Variants in ABCA8 observed in about 807,000 individuals in gnomAD.
The protein encoded by ABCA8 is ATP binding cassette subfamily A member 8, also known as ABC-type organic anion transporter ABCA8.
Under a neutral mutation model 192.3 loss-of-function variants are expected in ABCA8, and 177 were observed. The ratio of observed to expected loss-of-function variants is 0.92; its 90% CI spans 0.81 to 1.04. ABCA8 has a LOEUF of 1.04. Among genes scored for constraint, ABCA8 ranks in the 50% least tolerant of loss-of-function variants. The pLI, the probability that ABCA8 is intolerant of heterozygous loss-of-function variation, is 0.00. For synonymous variants in ABCA8, 642 were observed against 690.2 expected (o/e 0.93, Z 1.09); for missense variants, 1,915 against 1,904.8 (o/e 1.01, Z -0.10).
chr17:68,931,671 A>G (rs1465203184), intron 7 of ABCA8: 1 of 151,694 alleles, frequency 6.6e-6, no homozygotes, highest in Admixed American at 6.6e-5. Context: ...AAATAGATTT[A>G]GATAAAATTG....
rs761530746 is a variant in ABCA8 at position 68,919,487 on chromosome 17, G to A, written c.1613-11C>T. ...AGATGGTGACTGAACCTGTAACAAA[G>A]GAAAAGTTAATATCAAGATAAGGCT... On this transcript the variant is annotated splice_polypyrimidine_tract_variant and intron_variant, in intron 13 of 39. Transcript: ENST00000586539. 6.2e-6 allele frequency: 10 copies of A among 1,604,862 alleles called. No individual in the cohort carries two copies. The highest frequency in any genetic ancestry group is 1.7e-5 in the Admixed American group (1 of 58,958).
chr17:68,895,236 G>A (rs4147998), intron 21 of ABCA8, among the ~76,000 whole-genome samples: 63,959 of 151,878 alleles, frequency 0.42, 14,065 homozygotes, highest in East Asian at 0.56. Context: ...TTAGTTCCAA[G>A]TGTCTTTCAA....
chr17:68,884,531 T>A, intron 27 of ABCA8, 135 bp from the exon 28 acceptor site: 1 of 1,354,802 alleles, frequency 7.4e-7, no homozygotes, highest in Non-Finnish European at 9.5e-7. Context: ...TTCTAAAGTG[T>A]ATAGCAAGGG....
intron 31 of ABCA8, 38 bp downstream of exon 31, chr17:68,881,825 G>A: frequency 1.3e-6 from 2 of 1,481,686 alleles, no homozygotes; most frequent in Non-Finnish European, 1.9e-6. Flanking sequence ...CCTCTGAGGA[G>A]GGCTCTGAGC....
chr17:68,938,081 G>T (rs910145389), intron 4 of ABCA8, among the ~76,000 whole-genome samples: 2 of 152,130 alleles, frequency 1.3e-5, no homozygotes, highest in East Asian at 3.9e-4. Flanking sequence ...GAGCAGACAC[G>T]TCTCAGGGCC....
chr17:68,929,587 G>A lies in ABCA8; in HGVS notation c.913C>T (p.Leu305Phe), dbSNP rs1292138428. The change falls in exon 8 of 40, where the codon CTC (leucine) becomes TTC (phenylalanine). Residue 305 changes from leucine to phenylalanine, a missense_variant. Leu to Phe is a conservative substitution (Grantham distance 22). Coordinates refer to ENST00000586539, the MANE Select transcript of ABCA8 (RefSeq NM_001288985.2). ...AAAGATAATCCATACAGGAGAAAGA[G>A]GCTGAAGACTACCATGAAGCCAGAC... ...ILSGFMVVFSLFLLYGLSLVA... is the reference protein window; with the variant it reads ...ILSGFMVVFSFFLLYGLSLVA... 6.2e-7 allele frequency: 1 copy of A among 1,613,646 alleles called. No homozygotes were observed. Among genetic ancestry groups the A allele is most frequent in the Non-Finnish European group, 8.5e-7 (1 of 1,179,772 alleles).
Position 68,875,624 on chromosome 17 carries a change from C to T in ABCA8, c.4480G>A (p.Gly1494Arg). The T allele has an allele frequency of 1.2e-6, 2 of 1,614,116 alleles. No individual in the cohort carries two copies. The highest frequency in any genetic ancestry group is 1.7e-6 in the Non-Finnish European group (2 of 1,180,000). ...AGGACAGGCACTCACCTCAACCTCC[C>T]AGATACCATGATGGCCACTCGGTCA... ...VCDRVAIMVS[G>R]RLRCIGSIQH... The change falls in exon 36 of 40, where the codon GGG (glycine) becomes AGG (arginine). Residue 1494 changes from glycine to arginine, a missense_variant. Transcript: ENST00000586539.
intron 37 of ABCA8, among the ~76,000 whole-genome samples, chr17:68,871,342 C>T (rs1029335034): frequency 6.6e-6 from 1 of 152,072 alleles, no homozygotes; most frequent in Non-Finnish European, 1.5e-5. Context: ...ACCTAATAAT[C>T]TCTTAAAGGT....
intron 18 of ABCA8, 69 bp downstream of exon 18, chr17:68,907,671 A>G: frequency 7.5e-7 from 1 of 1,342,266 alleles, no homozygotes; most frequent in South Asian, 1.8e-5. Flanking sequence ...TGTTAGTTGT[A>G]ATGATAATAA....
rs146827613 is a variant in ABCA8 at position 68,953,820 on chromosome 17, A to C, written c.-167+1399T>G. Among the ~76,000 whole-genome samples the C allele has an allele frequency of 9.9e-3, 1,513 of 152,178 alleles. 14 individuals carry two copies. Among genetic ancestry groups the C allele is most frequent in the Middle Eastern group, 0.051 (15 of 292 alleles). On this transcript the variant is annotated intron_variant, in intron 1 of 39. Transcript: ENST00000586539. ...GAAACTGTGATGTGCTACTACTCCT[A>C]CCGGGGGTAGAGGGTAGTCTGCTGC...
intron 17 of ABCA8, among the ~76,000 whole-genome samples, chr17:68,915,816 T>C (rs1022296442): frequency 8.5e-5 from 13 of 152,142 alleles, no homozygotes; most frequent in African/African-American, 2.9e-4. Context: ...CAAGGAAATA[T>C]CTGCACTCTC....
chr17:68,887,881 C>CATATATATATATATAT lies in ABCA8; in HGVS notation c.3145-391_3145-376dup, dbSNP rs1202636158. Among the ~76,000 whole-genome samples the CATATATATATATATAT allele has an allele frequency of 7.2e-3, 489 of 68,094 alleles. 3 individuals are homozygous for CATATATATATATATAT. Among genetic ancestry groups the CATATATATATATATAT allele is most frequent in the African/African-American group, 0.022 (295 of 13,706 alleles). 44.7% of individuals were successfully genotyped at this position (68,094 alleles called of 152,430 possible). ...ATTCCTCTCTCTCTTTTCTCTCCTC[C>CATATATATATATATAT]ATATATATATATATATATATATATA... is the stretch of plus-strand genomic sequence containing the variant. On this transcript the variant is annotated intron_variant, in intron 24 of 39. Coordinates refer to ENST00000586539, the MANE Select transcript of ABCA8 (RefSeq NM_001288985.2).
Position 68,929,638 on chromosome 17 carries a change from T to C in ABCA8, c.862A>G (p.Ile288Val), listed in dbSNP as rs1286530452. 2 of 1,613,544 alleles carry C rather than the reference T, an allele frequency of 1.2e-6. No homozygotes were observed. Among genetic ancestry groups the C allele is most frequent in the Admixed American group, 1.7e-5 (1 of 59,988 alleles). ...AAAATGATAAACTGGGTAGATCTTA[T>C]AACAAGTGCCAAGAAAAGGGCCATA... The part of the protein sequence containing the change: ...FIMALFLALV[I>V]RSTQFIILSG... The change falls in exon 8 of 40, where the codon ATA becomes GTA. Residue 288 changes from isoleucine (I) to valine (V), a missense_variant. Coordinates refer to ENST00000586539, the MANE Select transcript of ABCA8 (RefSeq NM_001288985.2).
intron 13 of ABCA8, chr17:68,920,100 G>C (rs1324064250): frequency 6.6e-6 from 1 of 152,100 alleles, no homozygotes; most frequent in African/African-American, 2.4e-5. Context: ...ATCTTTTGTG[G>C]GAACATGGGT....
rs1378708340 is a variant in ABCA8 at position 68,929,626 on chromosome 17, G to A, written c.874C>T (p.Gln292Ter). 6.2e-7 allele frequency: 1 copy of A among 1,613,584 alleles called. No homozygotes were observed. The highest frequency in any genetic ancestry group is 8.5e-7 in the Non-Finnish European group (1 of 1,179,638). Residue 292 changes from glutamine to a stop codon, truncating the protein, a stop_gained, in exon 8 of 40, where the codon CAG (glutamine) becomes TAG (stop). Coordinates refer to ENST00000586539, the MANE Select transcript of ABCA8 (RefSeq NM_001288985.2). LOFTEE classifies it high-confidence loss of function. ...LFLALVIRST[Q>*]FIILSGFMVV... ...ATGAAGCCAGACAAAATGATAAACT[G>A]GGTAGATCTTATAACAAGTGCCAAG...
chr17:68,884,605 TA>T, intron 27 of ABCA8: 15 of 1,249,404 alleles, frequency 1.2e-5, no homozygotes, highest in Non-Finnish European at 1.5e-5. Flanking sequence ...TATCAATTAC[TA>T]ATCACCTGGC....
chr17:68,917,535 A>T, intron 16 of ABCA8, 84 bp from the exon 17 acceptor site: 1 of 939,376 alleles, frequency 1.1e-6, no homozygotes, highest in South Asian at 1.6e-5. Context: ...TCATCTATAT[A>T]ATCAAACTTT....
rs1424823305 is a variant in ABCA8, at chr17:68,876,540, C to G, written c.4290G>C (p.Leu1430=). 1 of 1,614,150 alleles carries G rather than the reference C, an allele frequency of 6.2e-7. No individual in the cohort carries two copies. Among genetic ancestry groups the G allele is most frequent in the South Asian group, 1.1e-5 (1 of 91,084 alleles). The change falls in exon 35 of 40, where the codon CTG becomes CTC. Residue 1430 remains leucine (L), a synonymous_variant. Coordinates refer to ENST00000586539, the MANE Select transcript of ABCA8 (RefSeq NM_001288985.2). ...EGIKRKLCFV[L]SILGNPSVVL... is the part of the protein sequence containing the mutation. ...CCACTGACGGGTTCCCCAGTATGCT[C>G]AGGACAAAGCACAGCTGCAACGGGA...
intron 4 of ABCA8, among the ~76,000 whole-genome samples, chr17:68,937,375 A>T (rs1224859071): frequency 1.3e-5 from 2 of 152,168 alleles, no homozygotes. Context: ...AATCACATAC[A>T]ATGTCCTACT....
Sources: gnomAD v4.1 joint callset for allele counts (sites outside exome capture counted in the v4.1 genomes callset) on GRCh38, gnomAD v4.1.1 for gene constraint, MANE v1.5 for transcripts, NCBI Gene and HGNC (gene_info 2026-07-23, HGNC 2026-07-21) for gene names.